Variants in AHDC1 observed in about 807,000 individuals in gnomAD.
AHDC1 encodes the protein transcription factor Gibbin.
Under a neutral mutation model 87.9 loss-of-function variants are expected in AHDC1, and 7 were observed. The ratio of observed to expected loss-of-function variants is 0.08; its 90% confidence interval spans 0.05 to 0.15. AHDC1 has a LOEUF of 0.15. Ranked by LOEUF, AHDC1 falls within the 10% of genes least tolerant of loss-of-function variation. AHDC1 has a pLI of 1.00. For missense variants in AHDC1, 1,841 were observed against 2,253.2 expected (o/e 0.82, Z 3.70); for synonymous variants, 1,051 against 1,006.8 (o/e 1.04, Z -0.83).
chr1:27,583,423 A>G (rs1297644478), intron 3 of AHDC1, among the ~76,000 whole-genome samples: 1 of 152,144 alleles, frequency 6.6e-6, no homozygotes, highest in Non-Finnish European at 1.5e-5. Flanking sequence ...CCCTCCCTCC[A>G]GACTTCACTT....
intron 3 of AHDC1, among the ~76,000 whole-genome samples, chr1:27,585,755 C>G (rs1017693297): frequency 6.6e-6 from 1 of 152,154 alleles, no homozygotes; most frequent in South Asian, 2.1e-4. Context: ...CTAATCCCCC[C>G]ACCCTAGTCC....
At position 27,565,368 on chromosome 1, in the gene AHDC1, C is replaced by T. The variant is rs1030226826; in HGVS notation, c.-628-6485G>A. ...CCCTACCCCAGGGCCTGTTTGCCCACGACTCCAAGCTCATTCCATGAAGAG... is the reference window on the plus strand; with the variant it reads ...CCCTACCCCAGGGCCTGTTTGCCCATGACTCCAAGCTCATTCCATGAAGAG... On this transcript the variant is annotated intron_variant, in intron 3 of 8. Transcript: ENST00000673934. This position sits in a 1 kb window ranked among gnomAD's most constrained non-coding sequence, Gnocchi z 4.6. 2.6e-5 allele frequency among the ~76,000 whole-genome samples: 4 copies of T among 152,124 alleles called. No individual in the cohort carries two copies. Among genetic ancestry groups the T allele is most frequent in the African/African-American group, 7.2e-5 (3 of 41,428 alleles).
chr1:27,549,904 G>T lies in AHDC1; in HGVS notation c.2212C>A (p.Pro738Thr). ...RGEVDAVTGK[P>T]KRKRRSRKNG... ...TTCCGGGACCGTCTCTTGCGCTTTG[G>T]CTTCCCAGTCACAGCGTCTACCTCC... Residue 738 changes from proline (P) to threonine (T), a missense_variant, in exon 8 of 9, where the codon CCA (proline) becomes ACA (threonine). Physicochemically the swap from Pro to Thr is conservative, Grantham distance 38. This residue lies in a region of AHDC1 where 236 missense variants were observed against 257.9 expected (regional missense o/e 0.92). Transcript: ENST00000673934. The T allele has an allele frequency of 3.1e-6, 5 of 1,613,678 alleles. No homozygotes were observed. The highest frequency in any genetic ancestry group is 4.2e-6 in the Non-Finnish European group (5 of 1,179,900).
Position 27,552,019 on chromosome 1 carries a change from G to T in AHDC1, c.97C>A (p.Pro33Thr). 6.9e-7 allele frequency: 1 copy of T among 1,456,466 alleles called. No individual in the cohort carries two copies. 90.2% of individuals were successfully genotyped at this position (1,456,466 alleles called of 1,614,324 possible). ...GTGGGAAGCAGGGGCCGGGGGGTGG[G>T]GGGGCCGCCGGGGTAGTACTTGGGT... ...REPKYYPGGP[P>T]TPRPLLPTRP... The change falls in exon 8 of 9, where the codon CCC becomes ACC. Residue 33 changes from proline (P) to threonine (T), a missense_variant. Physicochemically the swap from Pro to Thr is conservative, Grantham distance 38 (BLOSUM62 -1). Transcript: ENST00000673934.
At chr1:27,545,449 T>C (rs1190926151) in intron 8 of AHDC1, among the ~76,000 whole-genome samples, 2 of 152,040 alleles carry the variant, frequency 1.3e-5, no homozygotes, top group African/African-American at 2.4e-5. Context: ...CACTGGGTGG[T>C]TCCATTATGT....
chr1:27,604,021 C>G (rs2089616767), intron 1 of AHDC1, 85 bp downstream of exon 1: 1 of 149,130 alleles, frequency 6.7e-6, no homozygotes, highest in African/African-American at 2.5e-5. Context: ...GCGGGTGGCT[C>G]GCTCTGCCCG....
rs980115486 is a variant in AHDC1, at chr1:27,550,781, C to T, written c.1335G>A (p.Pro445=). 8.9e-6 allele frequency: 14 copies of T among 1,569,270 alleles called. No homozygotes were observed. Among genetic ancestry groups the T allele is most frequent in the South Asian group, 3.5e-5 (3 of 86,574 alleles). The change falls in exon 8 of 9, where the codon CCG becomes CCA. Residue 445 remains proline (P), a synonymous_variant. Transcript: ENST00000673934. ...CCGGCTTCAACTCTGGGACTGAGAC[C>T]GGGCCTGGGCCTGGCAGGGCAGGGG... ...PPPPALPGPG[P]VSVPELKPES...
chr1:27,572,225 G>C (rs1250393576), intron 3 of AHDC1, among the ~76,000 whole-genome samples: 1 of 152,126 alleles, frequency 6.6e-6, no homozygotes, highest in Non-Finnish European at 1.5e-5. Context: ...GTCAATTCAC[G>C]CCTGTTCCTG....
chr1:27,551,615 G>A lies in AHDC1; in HGVS notation c.501C>T (p.Phe167=). 3 of 1,612,324 alleles carry A rather than the reference G, an allele frequency of 1.9e-6. No homozygotes were observed. Among genetic ancestry groups the A allele is most frequent in the Non-Finnish European group, 2.5e-6 (3 of 1,178,590 alleles). The change falls in exon 8 of 9, where the codon TTC becomes TTT. Residue 167 remains phenylalanine (F), a synonymous_variant. Transcript: ENST00000673934. ...APPPGDLQYS[F]FSSPSLANSI... ...TGTTGGCCAAACTGGGTGAGGAGAA[G>A]AAGCTGTACTGTAGGTCGCCGGGTG...
At position 27,590,583 on chromosome 1, in the gene AHDC1, T is replaced by TG. The variant is rs1431011540; in HGVS notation, c.-629+12813dup. Among the ~76,000 whole-genome samples, 3 of 152,052 alleles carry TG rather than the reference T, an allele frequency of 2.0e-5. No homozygotes were observed. Among genetic ancestry groups the TG allele is most frequent in the East Asian group, 3.9e-4 (2 of 5,152 alleles). ...GTGAGTGTTTTGCTTCTCTCAGACTTGGGGGGTCTGAGGACAAGGCTGTGT... is the reference window on the plus strand; with the variant it reads ...GTGAGTGTTTTGCTTCTCTCAGACTTGGGGGGGTCTGAGGACAAGGCTGTGT... On this transcript the variant is annotated intron_variant, in intron 3 of 8. Transcript: ENST00000673934. The surrounding 1 kb of genome is among the most constrained non-coding windows in gnomAD (Gnocchi z 5.4).
chr1:27,552,017 G>A lies in AHDC1; in HGVS notation c.99C>T (p.Pro33=), dbSNP rs780048677. The A allele has an allele frequency of 1.3e-4, 191 of 1,466,602 alleles. 1 individual carries two copies. The highest frequency in any genetic ancestry group is 7.5e-4 in the Middle Eastern group (3 of 4,022). 90.8% of individuals were successfully genotyped at this position (1,466,602 alleles called of 1,614,324 possible). A position where few individuals can be genotyped will look rare whatever the true frequency, so the allele number is the denominator to read the frequency against. ...REPKYYPGGP[P]TPRPLLPTRP... ...GGGTGGGAAGCAGGGGCCGGGGGGT[G>A]GGGGGGCCGCCGGGGTAGTACTTGG... Residue 33 remains proline, a synonymous_variant, in exon 8 of 9, where the codon CCC becomes CCT. Transcript: ENST00000673934.
rs1343160575 is a variant in AHDC1 at position 27,550,817 on chromosome 1, C to T, written c.1299G>A (p.Pro433=). Reference sequence around the variant, plus strand: ...CTGGCAGGGCAGGGGGTGGAGGAGGCGGTGGTGGTGGGGGTTCGGCCAGGG... The same window carrying T: ...CTGGCAGGGCAGGGGGTGGAGGAGGTGGTGGTGGTGGGGGTTCGGCCAGGG... ...VAALAEPPPP[P]PPPPPALPGP... Residue 433 remains proline, a synonymous_variant, in exon 8 of 9, where the codon CCG becomes CCA. Transcript: ENST00000673934. The T allele has an allele frequency of 2.5e-5, 39 of 1,563,814 alleles. No homozygotes were observed. The highest frequency in any genetic ancestry group is 2.8e-5 in the Non-Finnish European group (32 of 1,155,986).
rs928458676 is a variant in AHDC1 at position 27,547,653 on chromosome 1, A to C, written c.4463T>G (p.Leu1488Arg). ...CTCCGTCCTGCCCAGGAAGTCAGCCAGCAGCCCTGTACCCACCTTGCCTTC... is the reference window on the plus strand; with the variant it reads ...CTCCGTCCTGCCCAGGAAGTCAGCCCGCAGCCCTGTACCCACCTTGCCTTC... ...PYEGKVGTGL[L>R]ADFLGRTEAA... Residue 1488 changes from leucine (L) to arginine (R), a missense_variant, in exon 8 of 9, where the codon CTG (leucine) becomes CGG (arginine). By Grantham distance (102) the Leu-to-Arg change is moderately radical. Coordinates refer to ENST00000673934, the MANE Select transcript of AHDC1 (RefSeq NM_001371928.1). The surrounding 1 kb of genome is among the most constrained non-coding windows in gnomAD (Gnocchi z 4.9). 6.3e-7 allele frequency: 1 copy of C among 1,599,246 alleles called. No homozygotes were observed. The highest frequency in any genetic ancestry group is 1.7e-5 in the Admixed American group (1 of 57,908).
In AHDC1 at chr1:27,547,728, C is replaced by T; in HGVS notation, c.4388G>A (p.Gly1463Asp). Residue 1463 changes from glycine (G) to aspartate (D), a missense_variant, in exon 8 of 9, where the codon GGC (glycine) becomes GAC (aspartate). By Grantham distance (94) the Gly-to-Asp change is moderately conservative. This residue lies in a region of AHDC1 where 505 missense variants were observed against 626.2 expected (regional missense o/e 0.81). Transcript: ENST00000673934. This position sits in a 1 kb window ranked among gnomAD's most constrained non-coding sequence, Gnocchi z 4.9. ...QPHYDSPSCKGTAYWYPPGSA... is the reference protein window; with the variant it reads ...QPHYDSPSCKDTAYWYPPGSA... ...GCCTGGAGGGTACCAATAGGCTGTG[C>T]CCTTGCAGCTGGGGGAATCGTAGTG... is the stretch of plus-strand genomic sequence containing the variant. 2 of 1,592,344 alleles carry T rather than the reference C, an allele frequency of 1.3e-6. No homozygotes were observed. Among genetic ancestry groups the T allele is most frequent in the Admixed American group, 1.7e-5 (1 of 58,628 alleles).
chr1:27,561,947 G>A lies in AHDC1; in HGVS notation c.-628-3064C>T, dbSNP rs547102737. Reference sequence around the variant, plus strand: ...CCTTGTCAGAGGCTGAGGGGAGGGGGTAGCTCAGGCCCAGAGTGAGTCTGA... The same window carrying A: ...CCTTGTCAGAGGCTGAGGGGAGGGGATAGCTCAGGCCCAGAGTGAGTCTGA... On this transcript the variant is annotated intron_variant, in intron 3 of 8. Transcript: ENST00000673934. This position sits in a 1 kb window ranked among gnomAD's most constrained non-coding sequence, Gnocchi z 4.2. 6.6e-6 allele frequency among the ~76,000 whole-genome samples: 1 copy of A among 152,178 alleles called. No homozygotes were observed. Among genetic ancestry groups the A allele is most frequent in the East Asian group, 1.9e-4 (1 of 5,168 alleles).
chr1:27,557,701 C>T (rs1178385798), intron 5 of AHDC1, among the ~76,000 whole-genome samples: 1 of 152,150 alleles, frequency 6.6e-6, no homozygotes. Flanking sequence ...ATACACACAT[C>T]TCTCCAGTGT....
rs768584640 is a variant in AHDC1, at chr1:27,551,383, G to A, written c.733C>T (p.Leu245Phe). The A allele has an allele frequency of 1.2e-6, 2 of 1,613,776 alleles. No homozygotes were observed. The highest frequency in any genetic ancestry group is 2.2e-5 in the South Asian group (2 of 91,090). Residue 245 changes from leucine to phenylalanine, a missense_variant, in exon 8 of 9, where the codon CTT becomes TTT. Leu to Phe is a conservative substitution (Grantham distance 22). Transcript: ENST00000673934. ...CAAGTGAGGGAGGCCAGCTCACTAA[G>A]GATGTCGGCGTCAGCAAGTTCTGAG... is the stretch of plus-strand genomic sequence containing the variant. ...DYSELADADI[L>F]SELASLTCPE...
chr1:27,550,283 C>G lies in AHDC1; in HGVS notation c.1833G>C (p.Glu611Asp), dbSNP rs1208071899. The change falls in exon 8 of 9, where the codon GAG becomes GAC. Residue 611 changes from glutamate to aspartate, a missense_variant. Transcript: ENST00000673934. ...YAADANDSKA[E>D]YSDVLAKLAF... ...CCAGCTTGGCCAGGACGTCTGAGTA[C>G]TCGGCCTTGCTGTCGTTGGCGTCTG... is the stretch of plus-strand genomic sequence containing the variant. 6.2e-7 allele frequency: 1 copy of G among 1,614,090 alleles called. No homozygotes were observed. The highest frequency in any genetic ancestry group is 1.7e-5 in the Admixed American group (1 of 60,036).
intron 1 of AHDC1, 48 bp downstream of exon 1, chr1:27,604,058 C>A: frequency 6.5e-6 from 1 of 152,742 alleles, no homozygotes; most frequent in South Asian, 1.9e-4. Context: ...TCTGTCTGGT[C>A]CGCCTCGCTC....
Sources: allele counts gnomAD v4.1 joint callset (sites outside exome capture counted in the v4.1 genomes callset), GRCh38; gene constraint gnomAD v4.1.1; regional missense constraint gnomAD v4.1.1; non-coding constraint Gnocchi (gnomAD v3.1); transcripts MANE v1.5; gene names NCBI Gene and HGNC (gene_info 2026-07-23, HGNC 2026-07-21).